Variants in ZNF90 observed in about 807,000 individuals in gnomAD.
ZNF90 encodes zinc finger protein HTF9.
ZNF90 carries 11 observed loss-of-function variants against 12.0 expected under a neutral mutation model. The ratio of observed to expected loss-of-function variants is 0.92; its 90% confidence interval spans 0.58 to 1.52. The LOEUF is 1.52. Ranked by LOEUF, ZNF90 falls within the 40% of genes most tolerant of loss-of-function variation. The pLI is 0.00. For missense variants in ZNF90, 765 were observed against 711.5 expected, an observed-to-expected ratio of 1.08 and a Z score of -0.86; for synonymous variants, 232 against 240.1, an observed-to-expected ratio of 0.97 and a Z score of 0.31.
At chr19:20,099,934 C>T (rs77286276) in intron 1 of ZNF90, among the ~76,000 whole-genome samples, 4,976 of 152,160 alleles carry the variant, frequency 0.033, 266 homozygotes, top group East Asian at 0.23. Flanking sequence ...ATTGGCTGTA[C>T]AGAAACCTAA....
At chr19:20,086,237 T>C (rs943919935) in intron 1 of ZNF90, among the ~76,000 whole-genome samples, 98 of 138,680 alleles carry the variant, frequency 7.1e-4, no homozygotes, top group East Asian at 2.0e-3. Context: ...CTTTTCTTTT[T>C]TTTTTTTTTT....
At chr19:20,100,710 C>G (rs912811472) in intron 1 of ZNF90, among the ~76,000 whole-genome samples, 2 of 152,174 alleles carry the variant, frequency 1.3e-5, no homozygotes, top group South Asian at 2.1e-4. Flanking sequence ...AGAGACAGGA[C>G]TAACTGGATT....
rs2089159330 is a variant in ZNF90, at chr19:20,118,268, A to C, written c.714A>C (p.Leu238Phe). The change falls in exon 4 of 4, where the codon TTA becomes TTC. Residue 238 changes from leucine to phenylalanine, a missense_variant. Coordinates refer to ENST00000418063, the MANE Select transcript of ZNF90 (RefSeq NM_007138.2). ...AATGTGAAGATTGTGGCAAAGAATT[A>C]AAGTATTCCTCTACCCTTACTGCAC... ...RYKCEDCGKE[L>F]KYSSTLTAHK... 1 of 1,554,334 alleles carries C rather than the reference A, an allele frequency of 6.4e-7. No homozygotes were observed. Among genetic ancestry groups the C allele is most frequent in the African/African-American group, 1.4e-5 (1 of 72,868 alleles).
intron 1 of ZNF90, among the ~76,000 whole-genome samples, chr19:20,100,363 C>CA (rs1193531732): frequency 6.6e-6 from 1 of 152,080 alleles, no homozygotes; most frequent in Admixed American, 6.5e-5. Context: ...TAAAGTGTGC[C>CA]AAAAAAATAA....
chr19:20,115,416 TG>T (rs2089128717), intron 3 of ZNF90, among the ~76,000 whole-genome samples: 1 of 131,882 alleles, frequency 7.6e-6, no homozygotes, highest in Non-Finnish European at 1.5e-5. Flanking sequence ...TTTTCCTTTC[TG>T]TTTTTTTTTT....
chr19:20,092,715 C>T (rs1049207788), intron 1 of ZNF90, among the ~76,000 whole-genome samples: 12 of 152,090 alleles, frequency 7.9e-5, no homozygotes, highest in Admixed American at 2.6e-4. Flanking sequence ...CGGATACGAT[C>T]GGCAGGGAGA....
intron 3 of ZNF90, among the ~76,000 whole-genome samples, chr19:20,116,456 C>T (rs2122527291): frequency 6.6e-6 from 1 of 152,306 alleles, no homozygotes; most frequent in African/African-American, 2.4e-5. Flanking sequence ...GAATGACCAC[C>T]AACCCTGGCC....
intron 1 of ZNF90, among the ~76,000 whole-genome samples, chr19:20,097,227 A>G (rs76593070): frequency 0.013 from 2,028 of 152,282 alleles, 20 homozygotes; most frequent in South Asian, 0.033. Flanking sequence ...TGTTTTCTTT[A>G]TTGTTTCCAA....
chr19:20,106,739 C>T (rs532980514), intron 3 of ZNF90, among the ~76,000 whole-genome samples: 29 of 152,208 alleles, frequency 1.9e-4, no homozygotes, highest in Non-Finnish European at 4.0e-4. Flanking sequence ...AGGCGTGAGC[C>T]ACTGCGCCCG....
chr19:20,108,355 G>T (rs1387503364), intron 3 of ZNF90, among the ~76,000 whole-genome samples: 1 of 152,212 alleles, frequency 6.6e-6, no homozygotes, highest in African/African-American at 2.4e-5. Flanking sequence ...TCTCACCCAG[G>T]TTGGAGTGCA....
Position 20,106,122 on chromosome 19 carries a change from G to A in ZNF90, c.226+806G>A, listed in dbSNP as rs1382059508. 8.9e-5 allele frequency among the ~76,000 whole-genome samples: 9 copies of A among 100,882 alleles called. No individual in the cohort carries two copies. In the Admixed American group the frequency reaches 1.2e-3, roughly 13 times the overall value. 66.2% of individuals were successfully genotyped at this position (100,882 alleles called of 152,430 possible). On this transcript the variant is annotated intron_variant, in intron 3 of 3. Coordinates refer to ENST00000418063, the MANE Select transcript of ZNF90 (RefSeq NM_007138.2). ...TTTTTTTCTCAGAAATTTATTCAAT[G>A]CTATAGTAAATAAGATTTTTTCTTT...
chr19:20,115,560 AT>A (rs1473258069), intron 3 of ZNF90, among the ~76,000 whole-genome samples: 1 of 151,906 alleles, frequency 6.6e-6, no homozygotes, highest in Non-Finnish European at 1.5e-5. Flanking sequence ...TGGTAAAAAA[AT>A]AACTTAAGTT....
At chr19:20,103,608 A>G (rs2089007098) in intron 1 of ZNF90, among the ~76,000 whole-genome samples, 2 of 152,210 alleles carry the variant, frequency 1.3e-5, no homozygotes, top group Admixed American at 1.3e-4. Context: ...CAGCACATTT[A>G]ATCTGGCAGC....
In ZNF90 at chr19:20,118,920, G is replaced by A. The variant is rs1555706192; in HGVS notation, c.1366G>A (p.Glu456Lys). 6.2e-7 allele frequency: 1 copy of A among 1,613,418 alleles called. No individual in the cohort carries two copies. Among genetic ancestry groups the A allele is most frequent in the Admixed American group, 1.7e-5 (1 of 59,896 alleles). Residue 456 changes from glutamate (E) to lysine (K), a missense_variant, in exon 4 of 4, where the codon GAA becomes AAA. Transcript: ENST00000418063. The part of the protein sequence containing the change: ...IHSGEKPYKC[E>K]ECGKAFKRSS... ...TAGTGGAGAGAAACCCTACAAATGT[G>A]AAGAATGTGGCAAAGCCTTCAAGCG...
intron 1 of ZNF90, among the ~76,000 whole-genome samples, chr19:20,086,459 T>C (rs58424570): frequency 0.019 from 2,897 of 151,862 alleles, 93 homozygotes; most frequent in African/African-American, 0.067. Flanking sequence ...TAATCTTGAA[T>C]CCTTGACCTC....
chr19:20,085,268 C>CTTTTTTTTTTCTTCTTTTT (rs56068843), intron 1 of ZNF90, among the ~76,000 whole-genome samples: 2 of 135,572 alleles, frequency 1.5e-5, no homozygotes, highest in Admixed American at 7.5e-5. Flanking sequence ...TTGCATTGGT[C>CTTTTTTTTTTCTTCTTTTT]TTTTTTTTTT....
chr19:20,092,747 AT>A (rs1263526809), intron 1 of ZNF90, among the ~76,000 whole-genome samples: 1 of 152,214 alleles, frequency 6.6e-6, no homozygotes, highest in Non-Finnish European at 1.5e-5. Flanking sequence ...CTTATGAAGA[AT>A]TATGCCGAGG....
intron 2 of ZNF90, among the ~76,000 whole-genome samples, chr19:20,104,862 C>G (rs2089019729): frequency 1.3e-5 from 2 of 152,132 alleles, no homozygotes; most frequent in African/African-American, 2.4e-5. Flanking sequence ...GGCATGGTGG[C>G]ACATGCCTGT....
At chr19:20,081,769 C>CTT (rs200678868) in intron 1 of ZNF90, among the ~76,000 whole-genome samples, 6 of 139,390 alleles carry the variant, frequency 4.3e-5, no homozygotes, top group East Asian at 2.0e-4. Context: ...TTTCTTTCTT[C>CTT]TTTTTTTTTT....
Sources: gnomAD v4.1 joint callset for allele counts (sites outside exome capture counted in the v4.1 genomes callset) on GRCh38, gnomAD v4.1.1 for gene constraint, MANE v1.5 for transcripts, NCBI Gene and HGNC (gene_info 2026-07-23, HGNC 2026-07-21) for gene names.